MOBP: variants seen among roughly 807,000 people sequenced by gnomAD.
MOBP encodes the protein myelin-associated oligodendrocyte basic protein.
In MOBP, 5 loss-of-function variants were observed where a neutral mutation model predicts 15.0. That is an observed-to-expected ratio of 0.33 (90% CI 0.17 to 0.70). MOBP has a LOEUF of 0.70. MOBP is among the 30% of genes least tolerant of loss of function. The pLI, the probability that MOBP is intolerant of heterozygous loss-of-function variation, is 0.67. For synonymous variants in MOBP, 88 were observed against 99.0 expected, an observed-to-expected ratio of 0.89 and a Z score of 0.66; for missense variants, 188 against 257.8, an observed-to-expected ratio of 0.73 and a Z score of 1.85.
chr3:39,529,003 G>A (rs1028240531), downstream of MOBP: 2 of 152,164 alleles, frequency 1.3e-5, no homozygotes, highest in Non-Finnish European at 2.9e-5. Flanking sequence ...TTATTACCAC[G>A]TGTCTGTGCG....
chr3:39,496,649 A>G (rs1309710061), intron 2 of MOBP, among the ~76,000 whole-genome samples: 1 of 143,358 alleles, frequency 7.0e-6, no homozygotes, highest in Non-Finnish European at 1.5e-5. Flanking sequence ...TCCCACCACC[A>G]CGCCCGGCTA....
downstream of MOBP, among the ~76,000 whole-genome samples, chr3:39,507,694 A>G (rs1391471719): frequency 6.6e-6 from 1 of 152,218 alleles, no homozygotes; most frequent in East Asian, 1.9e-4. Context: ...GTTCTTAAGG[A>G]GCTCCTTCTC....
At chr3:39,522,446 T>C (rs1462292848) in intron 3 of MOBP, among the ~76,000 whole-genome samples, 1 of 152,078 alleles carries the variant, frequency 6.6e-6, no homozygotes. Flanking sequence ...CCCTCATTTC[T>C]CCCCCCAATT....
At chr3:39,505,522 A>G (rs2043036491), downstream of MOBP, among the ~76,000 whole-genome samples, 1 of 152,170 alleles carries the variant, frequency 6.6e-6, no homozygotes, top group Admixed American at 6.5e-5. Context: ...TATCTGTGGC[A>G]TATACTCTTT....
intron 3 of MOBP, among the ~76,000 whole-genome samples, chr3:39,523,006 A>C (rs2043288634): frequency 6.6e-6 from 1 of 152,218 alleles, no homozygotes; most frequent in Non-Finnish European, 1.5e-5. Context: ...GTGACCAGTG[A>C]ATTTTGGATG....
chr3:39,477,128 G>C (rs2042555212), intron 1 of MOBP, among the ~76,000 whole-genome samples: 3 of 152,130 alleles, frequency 2.0e-5, no homozygotes, highest in African/African-American at 7.2e-5. Flanking sequence ...TCAACTGAAA[G>C]ATTGGGATGT....
intron 2 of MOBP, among the ~76,000 whole-genome samples, chr3:39,500,542 A>G (rs2042954853): frequency 6.6e-6 from 1 of 152,160 alleles, no homozygotes; most frequent in South Asian, 2.1e-4. Flanking sequence ...ACCAAATATG[A>G]AGGCAATTGG....
chr3:39,503,658 T>TTTTATTATTTATTTA (rs10662939), downstream of MOBP, among the ~76,000 whole-genome samples: 28,145 of 147,726 alleles, frequency 0.19, 2,998 homozygotes, highest in Middle Eastern at 0.27. Flanking sequence ...CTGGCCAATT[T>TTTTATTATTTATTTA]TTTATTTATT....
In MOBP at chr3:39,502,607, G is replaced by A; in HGVS notation, c.279G>A (p.Ala93=). 2 of 1,558,088 alleles carry A rather than the reference G, an allele frequency of 1.3e-6. No individual in the cohort carries two copies. Among genetic ancestry groups the A allele is most frequent in the East Asian group, 2.4e-5 (1 of 41,934 alleles). ...QPAAPPAVVR[A]PAKPRSPPRS... is the part of the protein sequence containing the mutation. ...CTGCGCCCCCCGCGGTGGTCAGAGC[G>A]CCAGCCAAGCCACGGTCCCCTCCGA... Residue 93 remains alanine (A), a synonymous_variant, in exon 4 of 4, where the codon GCG becomes GCA. Transcript: ENST00000684792. The surrounding 1 kb of genome is among the most constrained non-coding windows in gnomAD (Gnocchi z 6.3).
At chr3:39,482,289 A>C (rs189408474) in intron 2 of MOBP, among the ~76,000 whole-genome samples, 2 of 152,126 alleles carry the variant, frequency 1.3e-5, no homozygotes, top group African/African-American at 4.8e-5. Flanking sequence ...CATTAATCAC[A>C]TGGCCTCCTG....
intron 1 of MOBP, among the ~76,000 whole-genome samples, chr3:39,473,509 G>T (rs1046873818): frequency 6.6e-6 from 1 of 152,208 alleles, no homozygotes; most frequent in African/African-American, 2.4e-5. Flanking sequence ...ATTTCATGGG[G>T]CTCTGAGGCG....
exon 5 of MOBP, chr3:39,513,778 G>A: frequency 3.8e-6 from 1 of 265,092 alleles, no homozygotes; most frequent in Non-Finnish European, 7.1e-6. Flanking sequence ...TGGCTCAAGT[G>A]CCAACCCACA....
At chr3:39,503,730 AT>A (rs1283903948), downstream of MOBP, among the ~76,000 whole-genome samples, 2 of 151,734 alleles carry the variant, frequency 1.3e-5, no homozygotes, top group African/African-American at 4.8e-5. Context: ...ACCTTTTACT[AT>A]TTGGAACTGA....
chr3:39,489,580 A>T (rs2042764406), intron 2 of MOBP, among the ~76,000 whole-genome samples: 1 of 152,118 alleles, frequency 6.6e-6, no homozygotes, highest in Non-Finnish European at 1.5e-5. Flanking sequence ...AGTAGCTCCT[A>T]TCTACTGTTC....
intron 4 of MOBP, among the ~76,000 whole-genome samples, chr3:39,512,794 A>T (rs542586395): frequency 6.6e-6 from 1 of 152,246 alleles, no homozygotes; most frequent in Non-Finnish European, 1.5e-5. Context: ...AGGCAGTCAC[A>T]TAGAGTTCTG....
At chr3:39,505,259 G>C (rs2043033256), downstream of MOBP, among the ~76,000 whole-genome samples, 1 of 152,148 alleles carries the variant, frequency 6.6e-6, no homozygotes, top group African/African-American at 2.4e-5. Flanking sequence ...GGTTAATTTG[G>C]AGTCAATCAG....
At chr3:39,500,659 T>C (rs2042956513) in intron 2 of MOBP, among the ~76,000 whole-genome samples, 1 of 152,094 alleles carries the variant, frequency 6.6e-6, no homozygotes, top group African/African-American at 2.4e-5. Context: ...GAGTGGAAGA[T>C]GTAAAGATGG....
In MOBP at chr3:39,502,175, A is replaced by G; in HGVS notation, c.106A>G (p.Lys36Glu). ...CCCGCCGTTCACCTTCCTCAATTCCAAGAAGGAGATAGTGGATCGGAAATA... is the reference window on the plus strand; with the variant it reads ...CCCGCCGTTCACCTTCCTCAATTCCGAGAAGGAGATAGTGGATCGGAAATA... ...CCPPFTFLNS[K>E]KEIVDRKYSI... Residue 36 changes from lysine to glutamate, a missense_variant, in exon 3 of 4, where the codon AAG becomes GAG. Physicochemically the swap from Lys to Glu is moderately conservative, Grantham distance 56 (BLOSUM62 1). This residue lies in a region of MOBP where 133 missense variants were observed against 212.5 expected (regional missense o/e 0.63). Transcript: ENST00000684792. This position sits in a 1 kb window ranked among gnomAD's most constrained non-coding sequence, Gnocchi z 6.3. The G allele has an allele frequency of 6.2e-7, 1 of 1,614,180 alleles. No homozygotes were observed. The highest frequency in any genetic ancestry group is 8.5e-7 in the Non-Finnish European group (1 of 1,180,024).
At chr3:39,498,213 A>G (rs1167149715) in intron 2 of MOBP, among the ~76,000 whole-genome samples, 5 of 152,194 alleles carry the variant, frequency 3.3e-5, no homozygotes, top group African/African-American at 1.2e-4. Flanking sequence ...GCGTTTTTAA[A>G]TTGGAGGGTG....
Sources: allele counts gnomAD v4.1 joint callset (sites outside exome capture counted in the v4.1 genomes callset), GRCh38; gene constraint gnomAD v4.1.1; regional missense constraint gnomAD v4.1.1; non-coding constraint Gnocchi (gnomAD v3.1); transcripts MANE v1.5; gene names NCBI Gene and HGNC (gene_info 2026-07-23, HGNC 2026-07-21).